Variants in TCTN2 observed in about 807,000 individuals in gnomAD.
TCTN2 encodes tectonic family member 2, also known as tectonic-2.
Under a neutral mutation model 83.4 loss-of-function variants are expected in TCTN2, and 66 were observed. The observed-to-expected ratio is 0.79, with a 90% confidence interval of 0.65 to 0.97. The LOEUF (loss-of-function observed/expected upper bound fraction) is 0.97. TCTN2 is among the 50% of genes least tolerant of loss of function. The pLI, the probability that TCTN2 is intolerant of heterozygous loss-of-function variation, is 0.00. For missense variants in TCTN2, 794 were observed against 858.1 expected, an observed-to-expected ratio of 0.93 and a Z score of 0.93; for synonymous variants, 301 against 326.7, an observed-to-expected ratio of 0.92 and a Z score of 0.85.
At chr12:123,675,783 T>C (rs1955813306) in intron 4 of TCTN2, among the ~76,000 whole-genome samples, 1 of 152,192 alleles carries the variant, frequency 6.6e-6, no homozygotes, top group Non-Finnish European at 1.5e-5. Context: ...GGGCTGACAG[T>C]GAGGAATTTT....
Position 123,694,947 on chromosome 12 carries a change from T to C in TCTN2, c.1205T>C (p.Phe402Ser), listed in dbSNP as rs1219758048. ...NTISEINVKIFRAEINAHQKG... is the reference protein window; with the variant it reads ...NTISEINVKISRAEINAHQKG... ...ATCAGTGAAATAAATGTTAAAATTTTTAGGGCAGAGATTAATGCCCACCAG... is the reference window on the plus strand; with the variant it reads ...ATCAGTGAAATAAATGTTAAAATTTCTAGGGCAGAGATTAATGCCCACCAG... The change falls in exon 10 of 18, where the codon TTT becomes TCT. Residue 402 changes from phenylalanine to serine, a missense_variant. By Grantham distance (155) the Phe-to-Ser change is radical. Transcript: ENST00000303372. 1 of 1,613,644 alleles carries C rather than the reference T, an allele frequency of 6.2e-7. No homozygotes were observed. Among genetic ancestry groups the C allele is most frequent in the Non-Finnish European group, 8.5e-7 (1 of 1,179,726 alleles).
chr12:123,672,197 G>A, intron 3 of TCTN2, 65 bp downstream of exon 3: 3 of 1,358,148 alleles, frequency 2.2e-6, no homozygotes, highest in East Asian at 4.6e-5. Flanking sequence ...TTTCTGCAGT[G>A]CTCTCTTTAT....
At chr12:123,674,210 A>G (rs923334003) in intron 4 of TCTN2, among the ~76,000 whole-genome samples, 1 of 151,790 alleles carries the variant, frequency 6.6e-6, no homozygotes, top group African/African-American at 2.4e-5. Context: ...TACTGTTTGC[A>G]TCTTTATAAG....
intron 4 of TCTN2, 102 bp from the exon 5 acceptor site, chr12:123,679,087 G>T: frequency 9.4e-7 from 1 of 1,064,974 alleles, no homozygotes; most frequent in Non-Finnish European, 1.4e-6. Context: ...GTGAGCCACC[G>T]CGCCTGGCCG....
At chr12:123,691,719 G>GT (rs1334468340) in intron 8 of TCTN2, among the ~76,000 whole-genome samples, 1,819 of 142,634 alleles carry the variant, frequency 0.013, 28 homozygotes, top group African/African-American at 0.034. Context: ...CCACCAAATT[G>GT]TTTTTTTTTT....
chr12:123,680,258 A>G (rs1163480579), intron 5 of TCTN2, among the ~76,000 whole-genome samples: 1 of 150,526 alleles, frequency 6.6e-6, no homozygotes, highest in Admixed American at 6.6e-5. Context: ...AGGCTGAGGC[A>G]GGAGAATCGC....
chr12:123,694,701 C>G, intron 9 of TCTN2, 141 bp from the exon 10 acceptor site: 1 of 818,226 alleles, frequency 1.2e-6, no homozygotes, highest in South Asian at 1.6e-5. Flanking sequence ...AAGCAGTGAC[C>G]GTGCCATGTT....
At chr12:123,682,701 C>T (rs1322803110) in intron 5 of TCTN2, among the ~76,000 whole-genome samples, 4 of 150,866 alleles carry the variant, frequency 2.7e-5, no homozygotes, top group Non-Finnish European at 5.9e-5. Context: ...AGGCTGGTCT[C>T]GAACTCCTGA....
intron 11 of TCTN2, chr12:123,696,024 A>T (rs1475220248): frequency 4.0e-6 from 1 of 248,192 alleles, no homozygotes; most frequent in Non-Finnish European, 7.9e-6. Context: ...TTGTACTTTT[A>T]GTAGAGATGA....
rs765482322 is a variant in TCTN2, at chr12:123,690,674, G to C, written c.1033G>C (p.Gly345Arg). ...NAKIKNVALG[G>R]IVTPKVIYEE... ...GAAGATAAAGAATGTTGCCTTAGGA[G>C]GTATGTTACATTTCTTTGAAAAAAG... The change falls in exon 8 of 18, where the codon GGC (glycine) becomes CGC (arginine). Residue 345 changes from glycine to arginine, a missense_variant and splice_region_variant. By Grantham distance (125) the Gly-to-Arg change is moderately radical (BLOSUM62 -2). Transcript: ENST00000303372. The C allele has an allele frequency of 3.7e-6, 6 of 1,613,960 alleles. No individual in the cohort carries two copies. Among genetic ancestry groups the C allele is most frequent in the Non-Finnish European group, 5.1e-6 (6 of 1,179,996 alleles).
chr12:123,707,254 C>T (rs1956241680), intron 17 of TCTN2, 181 bp downstream of exon 17: 2 of 651,426 alleles, frequency 3.1e-6, no homozygotes, highest in Non-Finnish European at 5.3e-6. Flanking sequence ...TCTACCTACA[C>T]TGTTTTTTTT....
intron 17 of TCTN2, 101 bp downstream of exon 17, chr12:123,707,174 A>G (rs558789700): frequency 3.9e-6 from 4 of 1,033,672 alleles, no homozygotes; most frequent in African/African-American, 3.2e-5. Flanking sequence ...ACATATAGAA[A>G]CTTAAAAAAA....
At chr12:123,707,168 A>G in intron 17 of TCTN2, 95 bp downstream of exon 17, 2 of 1,050,008 alleles carry the variant, frequency 1.9e-6, no homozygotes, top group East Asian at 2.5e-5. Context: ...CATAAAACAT[A>G]TAGAAACTTA....
chr12:123,688,629 G>A (rs1282781848), intron 7 of TCTN2, among the ~76,000 whole-genome samples: 1 of 152,072 alleles, frequency 6.6e-6, no homozygotes, highest in African/African-American at 2.4e-5. Flanking sequence ...GGACTTAACT[G>A]TTTATGTTCT....
In TCTN2 at chr12:123,676,374, C is replaced by G. The variant is rs149833309; in HGVS notation, c.463+2564C>G. Reference sequence around the variant, plus strand: ...ACGAGGTCAGGAGATCGAGACCATTCTGGCTAACACGGTGAAACCCCGTCT... The same window carrying G: ...ACGAGGTCAGGAGATCGAGACCATTGTGGCTAACACGGTGAAACCCCGTCT... On this transcript the variant is annotated intron_variant, in intron 4 of 17. Coordinates refer to ENST00000303372, the MANE Select transcript of TCTN2 (RefSeq NM_024809.5). 5.3e-4 allele frequency among the ~76,000 whole-genome samples: 80 copies of G among 152,054 alleles called. 1 individual carries two copies. In the East Asian group the frequency reaches 0.013, roughly 25 times the overall value.
chr12:123,679,545 G>T (rs939400090), intron 5 of TCTN2, among the ~76,000 whole-genome samples: 12 of 151,118 alleles, frequency 7.9e-5, no homozygotes, highest in Admixed American at 6.6e-4. Flanking sequence ...TGTATCTTTT[G>T]TAGAGATGGG....
intron 6 of TCTN2, 114 bp from the exon 7 acceptor site, chr12:123,687,937 C>A: frequency 6.9e-7 from 1 of 1,445,378 alleles, no homozygotes; most frequent in Non-Finnish European, 9.6e-7. Context: ...GCACTCCAGC[C>A]TGGGTGACAG....
chr12:123,673,909 A>T, intron 4 of TCTN2, 99 bp downstream of exon 4: 1 of 1,119,814 alleles, frequency 8.9e-7, no homozygotes. Flanking sequence ...TTGATGCTAT[A>T]AATGAGCTGC....
intron 3 of TCTN2, among the ~76,000 whole-genome samples, chr12:123,672,711 C>T (rs1038809885): frequency 6.6e-6 from 1 of 151,868 alleles, no homozygotes; most frequent in African/African-American, 2.4e-5. Flanking sequence ...CACCACTGCA[C>T]TTCATCCAGC....
Sources: gnomAD v4.1 joint callset for allele counts (sites outside exome capture counted in the v4.1 genomes callset) on GRCh38, gnomAD v4.1.1 for gene constraint, MANE v1.5 for transcripts, NCBI Gene and HGNC (gene_info 2026-07-23, HGNC 2026-07-21) for gene names.